ESRRG: variants seen among roughly 807,000 people sequenced by gnomAD.
The protein encoded by ESRRG is estrogen related receptor gamma, also known as estrogen-related receptor gamma.
In ESRRG, 13 loss-of-function variants were observed where a neutral mutation model predicts 44.0. That is an observed-to-expected ratio of 0.30 (90% CI 0.19 to 0.47). The LOEUF (loss-of-function observed/expected upper bound fraction) is 0.47. Among genes scored for constraint, ESRRG ranks in the 20% least tolerant of loss-of-function variants. ESRRG has a pLI of 1.00. For synonymous variants in ESRRG, 215 were observed against 214.6 expected (o/e 1.00, Z -0.02); for missense variants, 395 against 580.6 (o/e 0.68, Z 3.29).
intron 5 of ESRRG, among the ~76,000 whole-genome samples, chr1:216,523,747 G>A (rs2046812694): frequency 6.6e-6 from 1 of 151,670 alleles, no homozygotes; most frequent in Admixed American, 6.6e-5. Context: ...TTGAAATAGA[G>A]AGCAAGCATT....
At chr1:216,861,085 G>A (rs1283980896) in intron 2 of ESRRG, among the ~76,000 whole-genome samples, 1 of 151,604 alleles carries the variant, frequency 6.6e-6, no homozygotes, top group Non-Finnish European at 1.5e-5. Flanking sequence ...AAATAATAAA[G>A]CAAAGAGTTA....
At chr1:216,991,377 T>TTGC (rs1053050951) in intron 1 of ESRRG, among the ~76,000 whole-genome samples, 1 of 152,072 alleles carries the variant, frequency 6.6e-6, no homozygotes, top group Non-Finnish European at 1.5e-5. Flanking sequence ...CGTTTTGTTG[T>TTGC]TGCTGCTGCT....
chr1:216,745,610 C>G, intron 2 of ESRRG, among the ~76,000 whole-genome samples: 1 of 152,264 alleles, frequency 6.6e-6, no homozygotes, highest in East Asian at 1.9e-4. Context: ...CCCTCCTTTC[C>G]CTTTGTCCAG....
chr1:216,859,504 G>A (rs2149080629), intron 2 of ESRRG, among the ~76,000 whole-genome samples: 1 of 152,312 alleles, frequency 6.6e-6, no homozygotes, highest in Admixed American at 6.5e-5. Flanking sequence ...ATTAAACAGT[G>A]CATGCATGCA....
chr1:216,530,340 T>G (rs905095987), intron 5 of ESRRG, among the ~76,000 whole-genome samples: 1 of 144,020 alleles, frequency 6.9e-6, no homozygotes, highest in Non-Finnish European at 1.5e-5. Flanking sequence ...CTATCTTCAC[T>G]GATGTAGTAC....
intron 3 of ESRRG, among the ~76,000 whole-genome samples, chr1:216,649,563 T>G (rs1274303308): frequency 6.6e-6 from 1 of 151,798 alleles, no homozygotes; most frequent in African/African-American, 2.4e-5. Flanking sequence ...TAATGAATCA[T>G]ACTATTAATA....
chr1:216,944,312 T>C (rs11572483), intron 1 of ESRRG, among the ~76,000 whole-genome samples: 1 of 152,200 alleles, frequency 6.6e-6, no homozygotes, highest in East Asian at 1.9e-4. Flanking sequence ...CCAAGATCCT[T>C]GAGTCTAGCA....
chr1:216,624,016 A>G (rs994329591), intron 3 of ESRRG, among the ~76,000 whole-genome samples: 13 of 152,150 alleles, frequency 8.5e-5, no homozygotes, highest in Non-Finnish European at 1.6e-4. Flanking sequence ...ATGTTTGGAA[A>G]AGATCTGGAA....
intron 1 of ESRRG, among the ~76,000 whole-genome samples, chr1:217,059,753 C>T (rs1470152456): frequency 6.6e-6 from 1 of 152,058 alleles, no homozygotes; most frequent in Admixed American, 6.6e-5. Flanking sequence ...TATCAAACTG[C>T]ACTGTGAGTA....
intron 2 of ESRRG, among the ~76,000 whole-genome samples, chr1:216,808,204 T>A (rs2094859405): frequency 6.6e-6 from 1 of 152,114 alleles, no homozygotes; most frequent in African/African-American, 2.4e-5. Flanking sequence ...TTCGTGCTGA[T>A]AAGAAAATGT....
rs1558455110 is a variant in ESRRG at position 216,554,134 on chromosome 1, G to A, written c.862+10085C>T. 2.0e-5 allele frequency among the ~76,000 whole-genome samples: 3 copies of A among 151,998 alleles called. No individual in the cohort carries two copies. The East Asian group carries it at 5.8e-4, about 29-fold the overall frequency. Reference sequence around the variant, plus strand: ...AATATTTCTGTAAGAGTCTAGTGCTGTGGACACACTTGGTACGGTGTTAAG... The same window carrying A: ...AATATTTCTGTAAGAGTCTAGTGCTATGGACACACTTGGTACGGTGTTAAG... On this transcript the variant is annotated intron_variant, in intron 5 of 6. Transcript: ENST00000408911.
At chr1:216,615,734 CTCTTTT>C (rs1409322616) in intron 3 of ESRRG, among the ~76,000 whole-genome samples, 3 of 116,396 alleles carry the variant, frequency 2.6e-5, no homozygotes, top group African/African-American at 1.2e-4. Context: ...CTATTTCTCT[CTCTTTT>C]TTTTTTTTTT....
At chr1:216,895,585 A>G (rs2058326407) in intron 2 of ESRRG, among the ~76,000 whole-genome samples, 1 of 152,228 alleles carries the variant, frequency 6.6e-6, no homozygotes, top group South Asian at 2.1e-4. Flanking sequence ...CCAATAAACT[A>G]AAGGGACTTA....
chr1:216,567,908 G>C (rs2059973192), intron 4 of ESRRG, 80 bp downstream of exon 4: 1 of 858,582 alleles, frequency 1.2e-6, no homozygotes, highest in African/African-American at 1.6e-5. Context: ...AGTAGGGATG[G>C]GCATGCCAAA....
chr1:216,707,257 A>C, intron 1 of ESRRG: 1 of 1,271,384 alleles, frequency 7.9e-7, no homozygotes, highest in Non-Finnish European at 1.1e-6. Flanking sequence ...TTCATTAATC[A>C]GTCTAAAAAA....
chr1:216,785,839 C>A (rs931088767), intron 2 of ESRRG, among the ~76,000 whole-genome samples: 1 of 152,114 alleles, frequency 6.6e-6, no homozygotes, highest in Admixed American at 6.6e-5. Context: ...ATGGAAAATA[C>A]TATAATGAAC....
At chr1:216,532,146 C>T (rs112879418) in intron 5 of ESRRG, among the ~76,000 whole-genome samples, 1,945 of 150,280 alleles carry the variant, frequency 0.013, 42 homozygotes, top group African/African-American at 0.045. Flanking sequence ...AAAAAAAAAG[C>T]TGCCTGATTC....
At chr1:216,542,165 T>C (rs2053087742) in intron 5 of ESRRG, among the ~76,000 whole-genome samples, 1 of 151,808 alleles carries the variant, frequency 6.6e-6, no homozygotes, top group African/African-American at 2.4e-5. Context: ...CCTATCCTTT[T>C]CATCTGGTTT....
At chr1:216,521,495 G>A (rs2046070456) in intron 5 of ESRRG, among the ~76,000 whole-genome samples, 1 of 151,856 alleles carries the variant, frequency 6.6e-6, no homozygotes, top group Non-Finnish European at 1.5e-5. Context: ...AAAAATGAAT[G>A]GGTCTTTTCA....
Sources: gnomAD v4.1 joint callset for allele counts (sites outside exome capture counted in the v4.1 genomes callset) on GRCh38, gnomAD v4.1.1 for gene constraint, MANE v1.5 for transcripts, NCBI Gene and HGNC (gene_info 2026-07-23, HGNC 2026-07-21) for gene names.